The following ARAP3 variants were observed in gnomAD, a reference collection of about 807,000 sequenced individuals.
ARAP3 encodes the protein arf-GAP with Rho-GAP domain, ANK repeat and PH domain-containing protein 3.
A neutral mutation model predicts 169.2 loss-of-function variants in ARAP3; 82 were observed. The ratio of observed to expected loss-of-function variants is 0.48; its 90% CI spans 0.41 to 0.58. The LOEUF is 0.58. Among genes scored for constraint, ARAP3 ranks in the 20% least tolerant of loss-of-function variants. The pLI is 0.00. For missense variants in ARAP3, 1,764 were observed against 2,018.0 expected (o/e 0.87, Z 2.41); for synonymous variants, 791 against 800.3 (o/e 0.99, Z 0.20).
chr5:141,665,624 T>A (rs929362773), intron 17 of ARAP3, among the ~76,000 whole-genome samples: 8 of 152,126 alleles, frequency 5.3e-5, no homozygotes, highest in Non-Finnish European at 8.8e-5. Flanking sequence ...GTCTCTTGTT[T>A]CCAAAGTCCT....
chr5:141,661,870 A>G, intron 20 of ARAP3, 81 bp from the exon 21 acceptor site: 2 of 1,508,258 alleles, frequency 1.3e-6, no homozygotes, highest in Non-Finnish European at 1.8e-6. Context: ...ATTTTTAGGC[A>G]CAAATGCAGG....
At chr5:141,656,421 G>A in intron 27 of ARAP3, 83 bp downstream of exon 27, 1 of 1,581,586 alleles carries the variant, frequency 6.3e-7, no homozygotes, top group African/African-American at 1.3e-5. Context: ...GAGAGTATGG[G>A]CTGTGGAGTC....
chr5:141,668,971 G>C (rs907218061), intron 16 of ARAP3, among the ~76,000 whole-genome samples: 1 of 152,208 alleles, frequency 6.6e-6, no homozygotes, highest in South Asian at 2.1e-4. Context: ...AGATGGAACA[G>C]ATCTTAGGGA....
At chr5:141,658,513 G>A (rs1201433846) in intron 24 of ARAP3, 34 bp from the exon 25 acceptor site, 1 of 1,613,562 alleles carries the variant, frequency 6.2e-7, no homozygotes, top group Non-Finnish European at 8.5e-7. Context: ...AATTCATGCT[G>A]GTCAGGCTAT....
Position 141,669,755 on chromosome 5 carries a change from G to A in ARAP3, c.2306C>T (p.Thr769Ile). ...LAGGRIQHFGTDGADSLEAWT... is the reference protein window; with the variant it reads ...LAGGRIQHFGIDGADSLEAWT... Reference sequence around the variant, plus strand: ...GGCCTCCAGACTGTCAGCTCCATCTGTGCCAAAATGCTGGATCCTCCCCCC... The same window carrying A: ...GGCCTCCAGACTGTCAGCTCCATCTATGCCAAAATGCTGGATCCTCCCCCC... The change falls in exon 16 of 33, where the codon ACA (threonine) becomes ATA (isoleucine). Residue 769 changes from threonine to isoleucine, a missense_variant. Thr to Ile is a moderately conservative substitution (Grantham distance 89). Coordinates refer to ENST00000239440, the MANE Select transcript of ARAP3 (RefSeq NM_022481.6). 1 of 1,614,156 alleles carries A rather than the reference G, an allele frequency of 6.2e-7. No homozygotes were observed. The highest frequency in any genetic ancestry group is 8.5e-7 in the Non-Finnish European group (1 of 1,180,000).
At chr5:141,678,315 G>A (rs1240529289) in intron 4 of ARAP3, among the ~76,000 whole-genome samples, 2 of 151,876 alleles carry the variant, frequency 1.3e-5, no homozygotes, top group African/African-American at 2.4e-5. Flanking sequence ...TGGCTCACCT[G>A]CCCCAGCCAA....
rs747141795 is a variant in ARAP3 at position 141,654,299 on chromosome 5, C to T, written c.4286G>A (p.Arg1429Gln). Residue 1429 changes from arginine to glutamine, a missense_variant, in exon 33 of 33, where the codon CGG (arginine) becomes CAG (glutamine). Transcript: ENST00000239440. ...QDTSTSFSTT[R>Q]EWTVKPENPL... ...GTTCTCTGGCTTCACTGTCCACTCC[C>T]GTGTGGTGGAGAAGGAGGTAGAAGT... 1.4e-5 allele frequency: 23 copies of T among 1,613,990 alleles called. No homozygotes were observed. Among genetic ancestry groups the T allele is most frequent in the African/African-American group, 2.7e-5 (2 of 74,874 alleles).
At position 141,671,479 on chromosome 5, in the gene ARAP3, C is replaced by T. The variant is rs2099911442; in HGVS notation, c.1855-79G>A. 6.2e-7 allele frequency: 1 copy of T among 1,600,864 alleles called. No homozygotes were observed. Among genetic ancestry groups the T allele is most frequent in the Non-Finnish European group, 8.5e-7 (1 of 1,174,036 alleles). On this transcript the variant is annotated intron_variant, in intron 12 of 32. Transcript: ENST00000239440. The surrounding 1 kb of genome is among the most constrained non-coding windows in gnomAD (Gnocchi z 4.9). ...GGGACAGTCGTATCATCACTAAAAA[C>T]AGTCCCCACCACCCAAGTCTAGGCA...
chr5:141,672,857 G>T lies in ARAP3; in HGVS notation c.1162C>A (p.Arg388=). Residue 388 remains arginine (R), a synonymous_variant, in exon 8 of 33, where the codon CGG becomes AGG. Coordinates refer to ENST00000239440, the MANE Select transcript of ARAP3 (RefSeq NM_022481.6). The surrounding 1 kb of genome is among the most constrained non-coding windows in gnomAD (Gnocchi z 4.9). ...LKEQRLLGHP[R]PPQPPRPLRT... ...AGGGGTCGGGGTGGTTGGGGGGGCC[G>T]GGGGTGGCCCAGGAGGCGCTGCTCC... 1.9e-6 allele frequency: 3 copies of T among 1,603,834 alleles called. No individual in the cohort carries two copies. The highest frequency in any genetic ancestry group is 2.6e-6 in the Non-Finnish European group (3 of 1,175,162).
chr5:141,666,680 G>A, intron 16 of ARAP3, 37 bp from the exon 17 acceptor site: 5 of 1,143,172 alleles, frequency 4.4e-6, no homozygotes, highest in South Asian at 2.1e-5. Flanking sequence ...AAAGGGGGAT[G>A]GGGGAAGAGA....
intron 22 of ARAP3, 76 bp downstream of exon 22, chr5:141,659,703 G>A: frequency 1.3e-6 from 2 of 1,552,990 alleles, no homozygotes; most frequent in East Asian, 2.3e-5. Flanking sequence ...TTGTTGGGGT[G>A]ATCAGGATCC....
chr5:141,671,640 G>T lies in ARAP3; in HGVS notation c.1784C>A (p.Ser595Tyr). Residue 595 changes from serine (S) to tyrosine (Y), a missense_variant, in exon 12 of 33, where the codon TCC (serine) becomes TAC (tyrosine). Transcript: ENST00000239440. This position sits in a 1 kb window ranked among gnomAD's most constrained non-coding sequence, Gnocchi z 4.9. Reference sequence around the variant, plus strand: ...GAAGAGACCCAGACGGTACTTTCGGGAGATGAACTCTCCCCGGGGGCCAGG... The same window carrying T: ...GAAGAGACCCAGACGGTACTTTCGGTAGATGAACTCTCCCCGGGGGCCAGG... ...ATPGPRGEFI[S>Y]RKYRLGLFRK... The T allele has an allele frequency of 6.2e-7, 1 of 1,614,104 alleles. No homozygotes were observed. Among genetic ancestry groups the T allele is most frequent in the Non-Finnish European group, 8.5e-7 (1 of 1,179,982 alleles).
intron 14 of ARAP3, 118 bp from the exon 15 acceptor site, chr5:141,670,181 C>A: frequency 7.4e-7 from 1 of 1,359,014 alleles, no homozygotes. Context: ...CCCATGTAAT[C>A]TTCACAATAA....
chr5:141,673,124 G>A lies in ARAP3; in HGVS notation c.982C>T (p.Pro328Ser). ...GCAGTCAAAGGTATCACACCCTTAG[G>A]GAAGGGGTCCTGGAGAGAGAGAGCT... The part of the protein sequence containing the change: ...MYFGSDKDPF[P>S]KGVIPLTAIE... Residue 328 changes from proline to serine, a missense_variant, in exon 7 of 33, where the codon CCT becomes TCT. Coordinates refer to ENST00000239440, the MANE Select transcript of ARAP3 (RefSeq NM_022481.6). The A allele has an allele frequency of 6.2e-7, 1 of 1,614,188 alleles. No individual in the cohort carries two copies. Among genetic ancestry groups the A allele is most frequent in the African/African-American group, 1.3e-5 (1 of 75,050 alleles).
rs1465610379 is a variant in ARAP3 at position 141,673,475 on chromosome 5, G to A, written c.903-5C>T. 1.2e-6 allele frequency: 2 copies of A among 1,614,164 alleles called. No homozygotes were observed. The highest frequency in any genetic ancestry group is 2.2e-5 in the South Asian group (2 of 91,086). ...CGTCTCTGGAAGACATAGTTTCTGA[G>A]GAAGGAAGGAGCCAAGATCAGTGTT... On this transcript the variant is annotated splice_polypyrimidine_tract_variant and splice_region_variant and intron_variant, in intron 5 of 32. Coordinates refer to ENST00000239440, the MANE Select transcript of ARAP3 (RefSeq NM_022481.6).
rs145656444 is a variant in ARAP3 at position 141,656,843 on chromosome 5, C to T, written c.3530G>A (p.Arg1177Gln). Residue 1177 changes from arginine (R) to glutamine (Q), a missense_variant, in exon 26 of 33, where the codon CGG becomes CAG. Transcript: ENST00000239440. ...GACCTTTTCCTTGGGATGCAGTGGC[C>T]GCTCTTAAGGGGAAAGGTGAGGGTT... ...FEIREHGELE[R>Q]PLHPKEKVLE... 4.3e-6 allele frequency: 7 copies of T among 1,612,892 alleles called. No homozygotes were observed. Among genetic ancestry groups the T allele is most frequent in the East Asian group, 2.2e-5 (1 of 44,858 alleles).
At position 141,677,934 on chromosome 5, in the gene ARAP3, G is replaced by A. The variant is rs111521807; in HGVS notation, c.698+1611C>T. Reference sequence around the variant, plus strand: ...CTAGTAGCTGGGACTACAGGTGTGCGCCACCACCCCCAGCTATTTTTTTTT... The same window carrying A: ...CTAGTAGCTGGGACTACAGGTGTGCACCACCACCCCCAGCTATTTTTTTTT... On this transcript the variant is annotated intron_variant, in intron 4 of 32. Coordinates refer to ENST00000239440, the MANE Select transcript of ARAP3 (RefSeq NM_022481.6). 4.9e-3 allele frequency among the ~76,000 whole-genome samples: 729 copies of A among 147,372 alleles called. 8 individuals are homozygous for A. The highest frequency in any genetic ancestry group is 0.027 in the South Asian group (126 of 4,600).
chr5:141,654,616 A>G (rs28655920), intron 32 of ARAP3, among the ~76,000 whole-genome samples, 181 bp from the exon 33 acceptor site: 22,920 of 152,198 alleles, frequency 0.15, 1,954 homozygotes, highest in Admixed American at 0.27. Flanking sequence ...GGGTTAAGTA[A>G]GTTGCCCAGC....
intron 15 of ARAP3, 34 bp downstream of exon 15, chr5:141,669,888 G>A (rs762835727): frequency 3.7e-6 from 6 of 1,609,178 alleles, no homozygotes; most frequent in Non-Finnish European, 5.1e-6. Flanking sequence ...GAAGAGAAAA[G>A]GGGGAAGCTC....
Sources: gnomAD v4.1 joint callset for allele counts (sites outside exome capture counted in the v4.1 genomes callset) on GRCh38, gnomAD v4.1.1 for gene constraint, Gnocchi (gnomAD v3.1) non-coding constraint, MANE v1.5 for transcripts, NCBI Gene and HGNC (gene_info 2026-07-23, HGNC 2026-07-21) for gene names.